Variants in COPG2 observed in about 807,000 individuals in gnomAD.
COPG2 encodes coat protein complex I subunit gamma 2, also known as coatomer subunit gamma-2.
COPG2 carries 37 observed loss-of-function variants against 46.3 expected under a neutral mutation model. That is an observed-to-expected ratio of 0.80 (90% CI 0.61 to 1.05). The LOEUF is 1.05. Ranked by LOEUF, COPG2 falls within the 50% of genes least tolerant of loss-of-function variation. The pLI is 0.00. For missense variants in COPG2, 427 were observed against 387.8 expected (o/e 1.10, Z -0.85); for synonymous variants, 159 against 129.7 (o/e 1.23, Z -1.53).
intron 20 of COPG2, among the ~76,000 whole-genome samples, chr7:130,536,679 G>T (rs1799883063): frequency 6.6e-6 from 1 of 152,260 alleles, no homozygotes; most frequent in South Asian, 2.1e-4. Context: ...TCAGGGTCAA[G>T]ACTGTCAGGT....
At chr7:130,631,677 CTTCTT>C (rs782119385) in intron 5 of COPG2, among the ~76,000 whole-genome samples, 6 of 152,144 alleles carry the variant, frequency 3.9e-5, no homozygotes, top group Non-Finnish European at 8.8e-5. Context: ...TACCATTTCT[CTTCTT>C]TGCCTCATGC....
chr7:130,641,604 CTAAG>C lies in COPG2; in HGVS notation c.323+11261_323+11264del, dbSNP rs1554457304. Among the ~76,000 whole-genome samples the C allele has an allele frequency of 9.2e-5, 14 of 152,258 alleles. No homozygotes were observed. In the South Asian group the frequency reaches 2.7e-3, roughly 29 times the overall value. ...ACAGAAAATTAACTTTTAAAATTAA[CTAAG>C]TAAGAAGTTACTGGAAATCTTTGAG... On this transcript the variant is annotated intron_variant, in intron 5 of 23. Coordinates refer to ENST00000425248, the MANE Select transcript of COPG2 (RefSeq NM_012133.6).
At chr7:130,512,776 A>G (rs1012238898) in intron 20 of COPG2, among the ~76,000 whole-genome samples, 2 of 152,164 alleles carry the variant, frequency 1.3e-5, no homozygotes, top group African/African-American at 2.4e-5. Flanking sequence ...ATGGCAAGTG[A>G]AAGGATGACT....
chr7:130,610,834 A>G, intron 9 of COPG2, 119 bp downstream of exon 9: 1 of 980,276 alleles, frequency 1.0e-6, no homozygotes, highest in East Asian at 2.4e-5. Context: ...AAATTGAAAA[A>G]CATTGAACTC....
chr7:130,591,319 C>T (rs1203530164), intron 9 of COPG2, among the ~76,000 whole-genome samples: 13 of 76,644 alleles, frequency 1.7e-4, no homozygotes, highest in South Asian at 1.3e-3. Context: ...AGGTGAGGGG[C>T]GCCTCTGCCC....
Position 130,506,717 on chromosome 7 carries a change from CTT to C in COPG2, c.2573_2574del (p.Lys858ArgfsTer23). On this transcript the variant is annotated frameshift_variant, in exon 24 of 24. Transcript: ENST00000425248. LOFTEE classifies it high-confidence loss of function. The part of the protein sequence containing the change: ...GVTMQVTVRS[K>X]ERTPVDVILA... ...AAGATAACATCTACAGGTGTTCTCTCTTTACTTCTGACAGTCACCTGCATGGT... is the reference window on the plus strand; with the variant it reads ...AAGATAACATCTACAGGTGTTCTCTCTACTTCTGACAGTCACCTGCATGGT... 1 of 780,552 alleles carries C rather than the reference CTT, an allele frequency of 1.3e-6. No individual in the cohort carries two copies. The highest frequency in any genetic ancestry group is 2.4e-6 in the Non-Finnish European group (1 of 417,744). The allele number at this position is 780,552 out of a possible 1,614,324, so 48.4% of individuals were successfully genotyped here.
intron 20 of COPG2, among the ~76,000 whole-genome samples, chr7:130,516,385 C>T (rs1799678133): frequency 6.6e-6 from 1 of 152,152 alleles, no homozygotes; most frequent in African/African-American, 2.4e-5. Flanking sequence ...ATGTATCCAT[C>T]ACTATGAAAG....
chr7:130,603,592 G>A (rs1554450678), intron 9 of COPG2, among the ~76,000 whole-genome samples: 5 of 151,758 alleles, frequency 3.3e-5, no homozygotes, highest in Non-Finnish European at 5.9e-5. Flanking sequence ...GTGGTGGTGC[G>A]TGCCTGCAAT....
intron 9 of COPG2, among the ~76,000 whole-genome samples, chr7:130,585,620 TAAGAAAAAAACAATTCCATCAAAAAGTG>T (rs1554447871): frequency 6.6e-6 from 1 of 151,216 alleles, no homozygotes; most frequent in Non-Finnish European, 1.5e-5. Context: ...AACAAATCAG[TAAGAAAAAAACAATTCCATCAAAAAGTG>T]GGCTAAGGAA....
At chr7:130,533,442 T>G (rs1400152293) in intron 20 of COPG2, among the ~76,000 whole-genome samples, 1 of 150,928 alleles carries the variant, frequency 6.6e-6, no homozygotes, top group Non-Finnish European at 1.5e-5. Flanking sequence ...AAGCAAAGAA[T>G]GAGGGAGAGG....
chr7:130,651,533 G>T (rs9641882), intron 5 of COPG2, among the ~76,000 whole-genome samples: 2 of 113,692 alleles, frequency 1.8e-5, no homozygotes, highest in East Asian at 2.5e-4. Flanking sequence ...TTTTTGAGAC[G>T]GAGTCTCGCT....
chr7:130,523,943 G>A (rs1799750797), intron 20 of COPG2, among the ~76,000 whole-genome samples: 1 of 151,932 alleles, frequency 6.6e-6, no homozygotes, highest in Non-Finnish European at 1.5e-5. Flanking sequence ...TTGAGACTGG[G>A]TGCGTTTGTG....
At chr7:130,570,948 G>A (rs1793885874) in intron 9 of COPG2, among the ~76,000 whole-genome samples, 1 of 152,158 alleles carries the variant, frequency 6.6e-6, no homozygotes, top group Non-Finnish European at 1.5e-5. Flanking sequence ...ATAAAGCGGG[G>A]AAAGGACATC....
chr7:130,553,027 CAA>C (rs1316131957), intron 14 of COPG2, among the ~76,000 whole-genome samples: 1 of 152,114 alleles, frequency 6.6e-6, no homozygotes, highest in Non-Finnish European at 1.5e-5. Flanking sequence ...AAAACTAAGA[CAA>C]AGAGTTAATA....
chr7:130,534,281 G>A (rs920140095), intron 20 of COPG2, among the ~76,000 whole-genome samples: 6 of 152,100 alleles, frequency 3.9e-5, no homozygotes, highest in African/African-American at 1.4e-4. Flanking sequence ...AGAAACCACC[G>A]GCAGGGAACT....
chr7:130,593,877 A>C (rs1327252825), intron 9 of COPG2, among the ~76,000 whole-genome samples: 1 of 152,228 alleles, frequency 6.6e-6, no homozygotes, highest in Non-Finnish European at 1.5e-5. Flanking sequence ...TGGGGTAAGA[A>C]AATGTTTCTT....
chr7:130,568,931 T>C lies in COPG2; in HGVS notation c.738-4538A>G, dbSNP rs942069132. 1.1e-4 allele frequency among the ~76,000 whole-genome samples: 16 copies of C among 152,140 alleles called. No homozygotes were observed. The South Asian group carries it at 2.3e-3, about 22-fold the overall frequency. Reference sequence around the variant, plus strand: ...GAACCTTGAAAACCAGGCAAATACATGGAAATTAAATAATCTGCTCCTGAA... The same window carrying C: ...GAACCTTGAAAACCAGGCAAATACACGGAAATTAAATAATCTGCTCCTGAA... On this transcript the variant is annotated intron_variant, in intron 9 of 23. Coordinates refer to ENST00000425248, the MANE Select transcript of COPG2 (RefSeq NM_012133.6).
chr7:130,523,313 G>A (rs1799741543), intron 20 of COPG2, among the ~76,000 whole-genome samples: 1 of 151,798 alleles, frequency 6.6e-6, no homozygotes, highest in Non-Finnish European at 1.5e-5. Context: ...AGGGTGAGCA[G>A]TGTTCAGCTC....
chr7:130,621,842 G>T (rs1293118315), intron 5 of COPG2, among the ~76,000 whole-genome samples: 3 of 151,170 alleles, frequency 2.0e-5, no homozygotes, highest in African/African-American at 7.3e-5. Flanking sequence ...TACTCGGGAG[G>T]CTGAGGTGGG....
Sources: gnomAD v4.1 joint callset for allele counts (sites outside exome capture counted in the v4.1 genomes callset) on GRCh38, gnomAD v4.1.1 for gene constraint, MANE v1.5 for transcripts, NCBI Gene and HGNC (gene_info 2026-07-23, HGNC 2026-07-21) for gene names.